The following EHBP1 variants were observed in gnomAD, a reference collection of about 807,000 sequenced individuals.
The protein encoded by EHBP1 is EH domain binding protein 1.
A neutral mutation model predicts 144.0 loss-of-function variants in EHBP1; 55 were observed. The ratio of observed to expected loss-of-function variants is 0.38; its 90% confidence interval spans 0.31 to 0.48. EHBP1 has a LOEUF of 0.48. Among genes scored for constraint, EHBP1 ranks in the 20% least tolerant of loss-of-function variants. EHBP1 has a pLI of 0.98. For synonymous variants in EHBP1, 469 were observed against 472.7 expected (o/e 0.99, Z 0.10); for missense variants, 1,200 against 1,364.2 (o/e 0.88, Z 1.90).
rs185278050 is a variant in EHBP1 at position 62,888,011 on chromosome 2, A to G, written c.1185+13479A>G. 6.6e-5 allele frequency among the ~76,000 whole-genome samples: 10 copies of G among 152,340 alleles called. No homozygotes were observed. In the East Asian group the frequency reaches 1.7e-3, roughly 26 times the overall value. On this transcript the variant is annotated intron_variant, in intron 10 of 22. Transcript: ENST00000431489. ...TTTTCCCTCCTATAGCACATATGGT[A>G]TCATTTCTAAAACATATTTGGATGT...
intron 10 of EHBP1, among the ~76,000 whole-genome samples, chr2:62,901,106 A>T (rs1402007882): frequency 6.6e-6 from 1 of 152,162 alleles, no homozygotes; most frequent in Non-Finnish European, 1.5e-5. Flanking sequence ...CTTGAAACTA[A>T]TTGAGCTTGG....
At chr2:62,959,225 T>G (rs1397260240) in intron 14 of EHBP1, among the ~76,000 whole-genome samples, 1 of 152,226 alleles carries the variant, frequency 6.6e-6, no homozygotes, top group East Asian at 1.9e-4. Flanking sequence ...TTTTTAAAGC[T>G]GAATGGTATT....
chr2:62,841,112 T>G (rs1291962754), intron 7 of EHBP1, among the ~76,000 whole-genome samples: 1 of 152,098 alleles, frequency 6.6e-6, no homozygotes, highest in African/African-American at 2.4e-5. Context: ...AATGATAGAC[T>G]GGATTAAGAA....
chr2:62,719,065 A>G (rs554629667), intron 2 of EHBP1, among the ~76,000 whole-genome samples: 7 of 151,372 alleles, frequency 4.6e-5, no homozygotes, highest in Non-Finnish European at 1.0e-4. Context: ...CCTGGGCTCA[A>G]GTGATGTCCC....
chr2:62,958,400 C>G (rs1050611680), intron 14 of EHBP1, among the ~76,000 whole-genome samples: 1 of 152,124 alleles, frequency 6.6e-6, no homozygotes, highest in Non-Finnish European at 1.5e-5. Flanking sequence ...GAACAGGACA[C>G]TGAGATGCAC....
intron 10 of EHBP1, among the ~76,000 whole-genome samples, chr2:62,907,990 A>G (rs1252363459): frequency 6.6e-6 from 1 of 152,214 alleles, no homozygotes; most frequent in Non-Finnish European, 1.5e-5. Context: ...AAGAAAGGAA[A>G]TGTTACTGGC....
intron 9 of EHBP1, among the ~76,000 whole-genome samples, chr2:62,867,101 C>T (rs1460741925): frequency 6.6e-6 from 1 of 152,052 alleles, no homozygotes; most frequent in Non-Finnish European, 1.5e-5. Context: ...CATGAAATGA[C>T]AAATATATTA....
chr2:62,750,964 A>G (rs2039647351), intron 3 of EHBP1, among the ~76,000 whole-genome samples: 1 of 152,172 alleles, frequency 6.6e-6, no homozygotes, highest in Admixed American at 6.5e-5. Flanking sequence ...TTCCTAATCG[A>G]ATACCTTTAT....
At chr2:62,998,779 G>C (rs988043718) in intron 19 of EHBP1, among the ~76,000 whole-genome samples, 1 of 152,224 alleles carries the variant, frequency 6.6e-6, no homozygotes, top group Admixed American at 6.5e-5. Context: ...TCACAGGACA[G>C]AATCTGATCC....
intron 5 of EHBP1, among the ~76,000 whole-genome samples, chr2:62,822,349 A>G (rs2046046391): frequency 6.6e-6 from 1 of 152,192 alleles, no homozygotes; most frequent in South Asian, 2.1e-4. Flanking sequence ...AATTTTAATT[A>G]TGTAACTACA....
intron 2 of EHBP1, among the ~76,000 whole-genome samples, chr2:62,714,406 T>C (rs1283343148): frequency 1.3e-5 from 2 of 152,184 alleles, no homozygotes; most frequent in Non-Finnish European, 2.9e-5. Context: ...AAGAGACCAT[T>C]GTGCCAGTTT....
chr2:62,872,931 A>G (rs975643482), intron 9 of EHBP1, among the ~76,000 whole-genome samples: 20 of 152,202 alleles, frequency 1.3e-4, no homozygotes, highest in Non-Finnish European at 4.4e-5. Flanking sequence ...CAAAACTTTT[A>G]TAAGTAGAGG....
chr2:62,743,534 T>C (rs2152119495), intron 2 of EHBP1, among the ~76,000 whole-genome samples: 1 of 152,232 alleles, frequency 6.6e-6, no homozygotes. Context: ...AGGAACATAG[T>C]AGGCATTCAG....
At chr2:62,715,001 A>T (rs2035525529) in intron 2 of EHBP1, among the ~76,000 whole-genome samples, 1 of 152,244 alleles carries the variant, frequency 6.6e-6, no homozygotes, top group Admixed American at 6.5e-5. Context: ...TGTTGGGCTA[A>T]GAAAACTAAC....
chr2:62,998,182 G>C (rs1450899514), intron 19 of EHBP1, among the ~76,000 whole-genome samples: 2 of 152,040 alleles, frequency 1.3e-5, no homozygotes, highest in Non-Finnish European at 2.9e-5. Flanking sequence ...TATCATACGG[G>C]ACCCTTCTTG....
intron 7 of EHBP1, 48 bp from the exon 8 acceptor site, chr2:62,859,121 A>T (rs2049305248): frequency 1.3e-6 from 2 of 1,538,660 alleles, no homozygotes; most frequent in Non-Finnish European, 1.8e-6. Context: ...AATGTTCAAT[A>T]CTTACACTTA....
In EHBP1 at chr2:62,930,261, A is replaced by C. The variant is rs542441096; in HGVS notation, c.1186-12457A>C. Reference sequence around the variant, plus strand: ...AGACCCTGTCTCAAGACAAAACAAAACAAAAAAACAAAAACAGTAGCATCA... The same window carrying C: ...AGACCCTGTCTCAAGACAAAACAAACCAAAAAAACAAAAACAGTAGCATCA... On this transcript the variant is annotated intron_variant, in intron 10 of 22. Transcript: ENST00000431489. Among the ~76,000 whole-genome samples the C allele has an allele frequency of 2.0e-5, 3 of 152,258 alleles. No homozygotes were observed. In the East Asian group the frequency reaches 5.8e-4, roughly 29 times the overall value.
chr2:62,846,511 T>C (rs2048312167), intron 7 of EHBP1, among the ~76,000 whole-genome samples: 1 of 152,178 alleles, frequency 6.6e-6, no homozygotes, highest in Admixed American at 6.5e-5. Flanking sequence ...TAAAGGACAT[T>C]CATGAACAGC....
chr2:62,716,746 A>G (rs2035722814), intron 2 of EHBP1, among the ~76,000 whole-genome samples: 1 of 152,160 alleles, frequency 6.6e-6, no homozygotes, highest in Non-Finnish European at 1.5e-5. Flanking sequence ...AGAGGAAGCA[A>G]TCTGGAAGGT....
Sources: gnomAD v4.1 joint callset for allele counts (sites outside exome capture counted in the v4.1 genomes callset) on GRCh38, gnomAD v4.1.1 for gene constraint, MANE v1.5 for transcripts, NCBI Gene and HGNC (gene_info 2026-07-23, HGNC 2026-07-21) for gene names.